DNAH14: variants seen among roughly 807,000 people sequenced by gnomAD.
The protein encoded by DNAH14 is axonemal beta dynein heavy chain 14.
Under a neutral mutation model 520.9 loss-of-function variants are expected in DNAH14, and 478 were observed. That is an observed-to-expected ratio of 0.92 (90% CI 0.85 to 0.99). The LOEUF (loss-of-function observed/expected upper bound fraction) is 0.99. Among genes scored for constraint, DNAH14 ranks in the 50% least tolerant of loss-of-function variants. The probability of loss-of-function intolerance (pLI) is 0.00; values close to 1 mark genes in which losing one functional copy is unlikely to be tolerated. For missense variants in DNAH14, 4,831 were observed against 5,234.5 expected, an observed-to-expected ratio of 0.92 and a Z score of 2.38; for synonymous variants, 1,581 against 1,757.2, an observed-to-expected ratio of 0.90 and a Z score of 2.51.
intron 42 of DNAH14, among the ~76,000 whole-genome samples, chr1:225,240,321 G>A (rs2091896634): frequency 6.7e-6 from 1 of 149,900 alleles, no homozygotes; most frequent in Non-Finnish European, 1.5e-5. Flanking sequence ...GCATATATAT[G>A]TTAAATAAAA....
rs145540613 is a variant in DNAH14, at chr1:225,315,506, G to A, written c.9241-3077G>A. ...GCTAGCAAGGAGTTGTGATCCTTTG[G>A]AGGAGAAGAGGCATTCTGTGTTTTG... On this transcript the variant is annotated intron_variant, in intron 60 of 85. Coordinates refer to ENST00000682510, the MANE Select transcript of DNAH14 (RefSeq NM_001367479.1). Among the ~76,000 whole-genome samples, 1,248 of 152,122 alleles carry A rather than the reference G, an allele frequency of 8.2e-3. 21 individuals are homozygous for A. Among genetic ancestry groups the A allele is most frequent in the African/African-American group, 0.029 (1,191 of 41,496 alleles).
intron 20 of DNAH14, among the ~76,000 whole-genome samples, chr1:225,084,218 A>G (rs2073475214): frequency 6.6e-6 from 1 of 152,124 alleles, no homozygotes; most frequent in South Asian, 2.1e-4. Flanking sequence ...CTTCTTGAAG[A>G]TAATTATAAT....
intron 21 of DNAH14, among the ~76,000 whole-genome samples, chr1:225,095,868 C>A (rs970295396): frequency 6.6e-6 from 1 of 152,090 alleles, no homozygotes; most frequent in East Asian, 1.9e-4. Context: ...CAACAGGACA[C>A]AAAGAACACT....
intron 17 of DNAH14, among the ~76,000 whole-genome samples, chr1:225,052,953 C>T (rs948764488): frequency 3.9e-5 from 6 of 152,154 alleles, no homozygotes; most frequent in Middle Eastern, 3.2e-3. Flanking sequence ...TCTGCCTTCC[C>T]TGGAGCATGA....
intron 7 of DNAH14, among the ~76,000 whole-genome samples, chr1:224,972,526 C>T (rs2061560115): frequency 6.7e-6 from 1 of 149,200 alleles, no homozygotes. Context: ...AGTGCAGTGG[C>T]ATGATCTCGG....
chr1:225,240,664 T>C lies in DNAH14; in HGVS notation c.6590T>C (p.Phe2197Ser). The C allele has an allele frequency of 6.4e-7, 1 of 1,550,956 alleles. No homozygotes were observed. Residue 2197 changes from phenylalanine to serine, a missense_variant, in exon 43 of 86, where the codon TTT becomes TCT. Physicochemically the swap from Phe to Ser is radical, Grantham distance 155. Transcript: ENST00000682510. The part of the protein sequence containing the change: ...LTKIIQKLFV[F>S]AFTWAFGGAL... ...AAAATTATTCAAAAGCTTTTTGTGT[T>C]TGCCTTTACTTGGGCATTTGGAGGA...
At chr1:225,340,019 C>G (rs1050501910) in intron 68 of DNAH14, among the ~76,000 whole-genome samples, 1 of 151,472 alleles carries the variant, frequency 6.6e-6, no homozygotes, top group Non-Finnish European at 1.5e-5. Context: ...CACCACCATA[C>G]AATTAATCCA....
At chr1:225,030,330 T>A (rs1336546121) in intron 11 of DNAH14, among the ~76,000 whole-genome samples, 1 of 152,000 alleles carries the variant, frequency 6.6e-6, no homozygotes, top group Non-Finnish European at 1.5e-5. Flanking sequence ...TCCCAGTCCA[T>A]AAATTGTCTT....
chr1:225,178,994 G>T (rs965901868), intron 36 of DNAH14, among the ~76,000 whole-genome samples: 1 of 152,098 alleles, frequency 6.6e-6, no homozygotes, highest in Admixed American at 6.6e-5. Flanking sequence ...TCCATATAAG[G>T]TGTGACTTGC....
At chr1:225,152,575 T>C in intron 32 of DNAH14, 122 bp from the exon 33 acceptor site, 2 of 934,228 alleles carry the variant, frequency 2.1e-6, no homozygotes, top group Non-Finnish European at 3.1e-6. Context: ...TCTTGTAAAC[T>C]AATTTTCAGA....
chr1:225,065,198 G>T (rs530862193), intron 17 of DNAH14, among the ~76,000 whole-genome samples: 1 of 151,852 alleles, frequency 6.6e-6, no homozygotes, highest in Admixed American at 6.6e-5. Context: ...ACATCTTCCA[G>T]GGTTTTTATA....
intron 67 of DNAH14, 105 bp downstream of exon 67, chr1:225,337,601 AAAT>A (rs2095083581): frequency 1.2e-6 from 1 of 853,192 alleles, no homozygotes; most frequent in Non-Finnish European, 1.9e-6. Context: ...GTCAGGGAAA[AAAT>A]AATAACAGAC....
intron 37 of DNAH14, among the ~76,000 whole-genome samples, chr1:225,191,692 T>G (rs1187798443): frequency 3.9e-5 from 6 of 152,024 alleles, no homozygotes; most frequent in Non-Finnish European, 2.9e-5. Context: ...TAGATTGATA[T>G]GCTTTATGGT....
chr1:225,051,795 A>C lies in DNAH14; in HGVS notation c.2424A>C (p.Glu808Asp), dbSNP rs2148317833. ...VIEKKNKNLL[E>D]VVESSLQQLE... ...AAAAAAAGAACAAAAATTTATTGGA[A>C]GTAAGTATTTTGAAAATTCTTATTG... The change falls in exon 17 of 86, where the codon GAA (glutamate) becomes GAC (aspartate). Residue 808 changes from glutamate (E) to aspartate (D), a missense_variant and splice_region_variant. Transcript: ENST00000682510. The C allele has an allele frequency of 6.7e-7, 1 of 1,482,676 alleles. No homozygotes were observed. 91.8% of individuals were successfully genotyped at this position (1,482,676 alleles called of 1,614,324 possible).
In DNAH14 at chr1:225,129,494, A is replaced by T. The variant is rs531960745; in HGVS notation, c.4254+5880A>T. 2.6e-5 allele frequency among the ~76,000 whole-genome samples: 4 copies of T among 152,162 alleles called. No individual in the cohort carries two copies. The South Asian group carries it at 8.3e-4, about 32-fold the overall frequency. ...GATATAGATCAATGGAACAGAACAG[A>T]GCCCTCAGAAATAATGCCGCATATC... On this transcript the variant is annotated intron_variant, in intron 27 of 85. Transcript: ENST00000682510.
At chr1:225,291,500 C>G (rs974158367) in intron 55 of DNAH14, among the ~76,000 whole-genome samples, 1 of 151,910 alleles carries the variant, frequency 6.6e-6, no homozygotes, top group Non-Finnish European at 1.5e-5. Context: ...CACTGAAGCC[C>G]CGACCTCCGA....
At chr1:225,335,149 A>ATGTGTG (rs1553334519) in intron 66 of DNAH14, among the ~76,000 whole-genome samples, 6 of 142,950 alleles carry the variant, frequency 4.2e-5, no homozygotes, top group Admixed American at 1.4e-4. Context: ...GCACATGTGT[A>ATGTGTG]CATGTGTGCA....
chr1:225,243,005 C>G (rs1164206249), intron 43 of DNAH14, among the ~76,000 whole-genome samples: 1 of 152,172 alleles, frequency 6.6e-6, no homozygotes, highest in Non-Finnish European at 1.5e-5. Context: ...TTTAAGACAT[C>G]TGGATGGCAA....
intron 41 of DNAH14, among the ~76,000 whole-genome samples, chr1:225,210,558 G>A (rs566658397): frequency 2.0e-5 from 3 of 150,710 alleles, no homozygotes; most frequent in African/African-American, 7.5e-5. Context: ...CAGAGCACCT[G>A]GGGGAAGGGT....
Sources: gnomAD v4.1 joint callset for allele counts (sites outside exome capture counted in the v4.1 genomes callset) on GRCh38, gnomAD v4.1.1 for gene constraint, MANE v1.5 for transcripts, NCBI Gene and HGNC (gene_info 2026-07-23, HGNC 2026-07-21) for gene names.